FAT3: variants seen among roughly 807,000 people sequenced by gnomAD.
The protein encoded by FAT3 is FAT atypical cadherin 3, also known as protocadherin Fat 3.
In FAT3, 95 loss-of-function variants were observed where a neutral mutation model predicts 310.2. That is an observed-to-expected ratio of 0.31 (90% CI 0.26 to 0.36). The LOEUF is 0.36. Among genes scored for constraint, FAT3 ranks in the 10% least tolerant of loss-of-function variants. The pLI, the probability that FAT3 is intolerant of heterozygous loss-of-function variation, is 1.00. For missense variants in FAT3, 5,408 were observed against 5,715.6 expected, an observed-to-expected ratio of 0.95 and a Z score of 1.74; for synonymous variants, 2,314 against 2,192.9, an observed-to-expected ratio of 1.06 and a Z score of -1.54.
At chr11:92,230,562 C>G (rs537369594) in intron 1 of FAT3, among the ~76,000 whole-genome samples, 2 of 152,046 alleles carry the variant, frequency 1.3e-5, no homozygotes, top group African/African-American at 4.8e-5. Flanking sequence ...CCAAAGTGCT[C>G]GGATTAGAGG....
intron 3 of FAT3, among the ~76,000 whole-genome samples, chr11:92,571,153 G>T (rs562453464): frequency 6.6e-6 from 1 of 152,272 alleles, no homozygotes; most frequent in Non-Finnish European, 1.5e-5. Context: ...ATCCTAAAGA[G>T]AGCCTAAATA....
intron 14 of FAT3, among the ~76,000 whole-genome samples, chr11:92,832,385 C>T (rs1948287489): frequency 6.6e-6 from 1 of 151,928 alleles, no homozygotes; most frequent in Non-Finnish European, 1.5e-5. Context: ...TCCTGCTTCT[C>T]CCGAAAACAC....
chr11:92,703,258 A>G (rs1044880012), intron 4 of FAT3, among the ~76,000 whole-genome samples: 4 of 152,236 alleles, frequency 2.6e-5, no homozygotes, highest in Non-Finnish European at 4.4e-5. Context: ...CACCCTTAAC[A>G]GCTTCTTCCT....
chr11:92,641,911 C>G (rs1941977945), intron 3 of FAT3, among the ~76,000 whole-genome samples: 1 of 152,130 alleles, frequency 6.6e-6, no homozygotes, highest in Admixed American at 6.5e-5. Context: ...AAGTATATAC[C>G]AATACCAAAT....
intron 2 of FAT3, among the ~76,000 whole-genome samples, chr11:92,478,992 C>CTTTTG (rs1218770960): frequency 7.8e-6 from 1 of 128,386 alleles, no homozygotes; most frequent in Non-Finnish European, 1.7e-5. Flanking sequence ...CTTTTCTTTT[C>CTTTTG]TTTGTTGTTG....
chr11:92,638,742 G>A (rs893632653), intron 3 of FAT3, among the ~76,000 whole-genome samples: 2 of 152,192 alleles, frequency 1.3e-5, no homozygotes, highest in Non-Finnish European at 2.9e-5. Flanking sequence ...ACGTGAAGGA[G>A]TATGTGAAAC....
At chr11:92,791,688 C>G (rs770694962) in intron 8 of FAT3, among the ~76,000 whole-genome samples, 14 of 152,168 alleles carry the variant, frequency 9.2e-5, no homozygotes, top group Non-Finnish European at 1.8e-4. Context: ...GATGGCTCTT[C>G]TTGGTATATT....
Position 92,798,428 on chromosome 11 carries a change from C to T in FAT3, c.5415C>T (p.Ser1805=), listed in dbSNP as rs368524503. 6 of 1,613,138 alleles carry T rather than the reference C, an allele frequency of 3.7e-6. No individual in the cohort carries two copies. The African/African-American group carries it at 8.0e-5, about 22-fold the overall frequency. ...TGATTCGAGCCACAGATGCTGACAG[C>T]AACCGGAATGCTCTGCTTGTGTATC... ...PLVIRATDAD[S]NRNALLVYQI... The change falls in exon 10 of 28, where the codon AGC becomes AGT. Residue 1805 remains serine, a synonymous_variant. Coordinates refer to ENST00000525166, the MANE Select transcript of FAT3 (RefSeq NM_001367949.2).
At chr11:92,480,285 A>G (rs546981709) in intron 2 of FAT3, among the ~76,000 whole-genome samples, 1 of 152,112 alleles carries the variant, frequency 6.6e-6, no homozygotes, top group East Asian at 1.9e-4. Flanking sequence ...ACAAAACAAA[A>G]CAGTGCCAAG....
intron 1 of FAT3, among the ~76,000 whole-genome samples, chr11:92,255,920 C>T (rs1162953248): frequency 6.6e-6 from 1 of 152,122 alleles, no homozygotes; most frequent in African/African-American, 2.4e-5. Context: ...CCAGAAACAG[C>T]ATTCATTGCC....
At chr11:92,478,240 C>A (rs1372141315) in intron 2 of FAT3, among the ~76,000 whole-genome samples, 1 of 152,184 alleles carries the variant, frequency 6.6e-6, no homozygotes, top group Non-Finnish European at 1.5e-5. Context: ...CTCTTGTAAG[C>A]CAGTTTTGCT....
At chr11:92,659,582 G>A (rs1942704126) in intron 3 of FAT3, among the ~76,000 whole-genome samples, 2 of 152,128 alleles carry the variant, frequency 1.3e-5, no homozygotes, top group Admixed American at 6.5e-5. Context: ...GAAAAATTCA[G>A]GAAGTCTCTG....
rs150174185 is a variant in FAT3, at chr11:92,294,096, A to G, written c.-17-58000A>G. Among the ~76,000 whole-genome samples, 3 of 152,158 alleles carry G rather than the reference A, an allele frequency of 2.0e-5. No homozygotes were observed. In the East Asian group the frequency reaches 5.8e-4, roughly 30 times the overall value. ...GTTCTGGAGGCTGGGAAAATCCCAA[A>G]TCAAGGTTTGGGCCTATTTGGTTTC... On this transcript the variant is annotated intron_variant, in intron 1 of 27. Coordinates refer to ENST00000525166, the MANE Select transcript of FAT3 (RefSeq NM_001367949.2).
At chr11:92,814,296 G>A (rs918350576) in intron 13 of FAT3, among the ~76,000 whole-genome samples, 2 of 152,198 alleles carry the variant, frequency 1.3e-5, no homozygotes, top group Admixed American at 1.3e-4. Flanking sequence ...TCTGTGACTT[G>A]CTAAACCTTC....
At chr11:92,864,069 A>AC (rs1328254557) in intron 21 of FAT3, among the ~76,000 whole-genome samples, 1 of 152,216 alleles carries the variant, frequency 6.6e-6, no homozygotes, top group African/African-American at 2.4e-5. Flanking sequence ...AGCAAGCTTA[A>AC]CCGTGCCGTG....
chr11:92,425,408 C>T (rs566652109), intron 2 of FAT3, among the ~76,000 whole-genome samples: 11 of 151,968 alleles, frequency 7.2e-5, no homozygotes, highest in Admixed American at 4.6e-4. Flanking sequence ...AATTTTTATA[C>T]TTAAGTTCTG....
intron 3 of FAT3, among the ~76,000 whole-genome samples, chr11:92,590,834 A>AT (rs892214932): frequency 7.2e-5 from 11 of 152,214 alleles, no homozygotes; most frequent in Admixed American, 2.6e-4. Context: ...ACTTTTCCTC[A>AT]TTTTTTGTAA....
intron 3 of FAT3, among the ~76,000 whole-genome samples, chr11:92,568,810 C>T (rs1955569313): frequency 6.6e-6 from 1 of 152,288 alleles, no homozygotes; most frequent in South Asian, 2.1e-4. Context: ...ATCTTCCCCT[C>T]TGCAGTCTTC....
chr11:92,403,539 A>G (rs201951334), intron 2 of FAT3: 2 of 152,300 alleles, frequency 1.3e-5, no homozygotes, highest in East Asian at 3.9e-4. Context: ...TGGAGGTACA[A>G]TATAGGAAGA....
Sources: allele counts gnomAD v4.1 joint callset (sites outside exome capture counted in the v4.1 genomes callset), GRCh38; gene constraint gnomAD v4.1.1; transcripts MANE v1.5; gene names NCBI Gene and HGNC (gene_info 2026-07-23, HGNC 2026-07-21).